Variants in PALLD observed in about 807,000 individuals in gnomAD.
PALLD encodes palladin, cytoskeletal associated protein, also known as palladin.
A neutral mutation model predicts 123.5 loss-of-function variants in PALLD; 61 were observed. That is an observed-to-expected ratio of 0.49 (90% CI 0.40 to 0.61). PALLD has a LOEUF of 0.61. PALLD is among the 20% of genes least tolerant of loss of function. The pLI, the probability that PALLD is intolerant of heterozygous loss-of-function variation, is 0.00. For missense variants in PALLD, 1,273 were observed against 1,377.0 expected, an observed-to-expected ratio of 0.92 and a Z score of 1.20; for synonymous variants, 465 against 496.4, an observed-to-expected ratio of 0.94 and a Z score of 0.84.
chr4:168,511,779 G>A lies in PALLD; in HGVS notation c.275G>A (p.Arg92Lys). The A allele has an allele frequency of 3.1e-6, 5 of 1,614,152 alleles. No homozygotes were observed. In the South Asian group the frequency reaches 3.3e-5, roughly 11 times the overall value. ...ACCAAATTGGGTGAACACGCCTCGA[G>A]GAGACCTCAGGATAACAGGTCAACA... Reference protein sequence around the residue: ...KETKLGEHASRRPQDNRSTPV... With the variant: ...KETKLGEHASKRPQDNRSTPV... The change falls in exon 2 of 22, where the codon AGG becomes AAG. Residue 92 changes from arginine to lysine, a missense_variant. By Grantham distance (26) the Arg-to-Lys change is conservative (BLOSUM62 2). Around this residue, in one of 2 missense-constraint regions of PALLD, gnomAD observed 944 missense variants for 954.5 expected, o/e 0.99. Transcript: ENST00000505667.
chr4:168,629,849 G>T (rs1775647113), intron 2 of PALLD, among the ~76,000 whole-genome samples: 1 of 152,224 alleles, frequency 6.6e-6, no homozygotes, highest in African/African-American at 2.4e-5. Context: ...TTGTGTGGAA[G>T]AACAGCAGAA....
At chr4:168,849,954 C>T (rs566246705) in intron 10 of PALLD, among the ~76,000 whole-genome samples, 19 of 152,194 alleles carry the variant, frequency 1.2e-4, no homozygotes, top group Admixed American at 7.8e-4. Context: ...TGTATACTTA[C>T]GAATGCATTT....
chr4:168,597,636 C>T (rs547835721), intron 2 of PALLD, among the ~76,000 whole-genome samples: 1 of 151,956 alleles, frequency 6.6e-6, no homozygotes, highest in South Asian at 2.1e-4. Context: ...GTCATTTTTC[C>T]TCCAGCATGG....
chr4:168,690,720 C>T lies in PALLD; in HGVS notation c.1453C>T (p.Pro485Ser), dbSNP rs1471336208. The change falls in exon 7 of 22, where the codon CCA becomes TCA. Residue 485 changes from proline to serine, a missense_variant. Around this residue, in one of 2 missense-constraint regions of PALLD, gnomAD observed 944 missense variants for 954.5 expected, o/e 0.99. Coordinates refer to ENST00000505667, the MANE Select transcript of PALLD (RefSeq NM_001166108.2). ...GCAAGGGAGTGAAATCCAAGACTCT[C>T]CAGATTTCCGAATTCTACAGAAAAG... ...FRQGSEIQDS[P>S]DFRILQKKPR... The T allele has an allele frequency of 6.2e-7, 1 of 1,614,128 alleles. No homozygotes were observed. The highest frequency in any genetic ancestry group is 8.5e-7 in the Non-Finnish European group (1 of 1,180,004).
chr4:168,648,683 C>A (rs1291942702), intron 2 of PALLD: 2 of 152,192 alleles, frequency 1.3e-5, no homozygotes, highest in Non-Finnish European at 2.9e-5. Context: ...TATGCTTACA[C>A]AAACTTGGTG....
intron 10 of PALLD, among the ~76,000 whole-genome samples, chr4:168,837,286 C>T (rs149283588): frequency 0.011 from 1,667 of 152,300 alleles, 15 homozygotes; most frequent in Non-Finnish European, 0.017. Context: ...TGACTGACAT[C>T]GTTTCCTTAC....
At chr4:168,827,869 G>A (rs573810494) in intron 10 of PALLD, among the ~76,000 whole-genome samples, 80 of 152,234 alleles carry the variant, frequency 5.3e-4, no homozygotes, top group Middle Eastern at 6.8e-3. Flanking sequence ...GTGAAACCCT[G>A]TCTCTATTTA....
intron 2 of PALLD, among the ~76,000 whole-genome samples, chr4:168,547,707 T>C (rs1766290982): frequency 1.3e-5 from 2 of 151,392 alleles, no homozygotes; most frequent in Non-Finnish European, 2.9e-5. Flanking sequence ...CCCAGGACTT[T>C]GGGAGGCCGA....
intron 1 of PALLD, among the ~76,000 whole-genome samples, chr4:168,501,894 T>C (rs1204080430): frequency 1.3e-5 from 2 of 152,184 alleles, no homozygotes; most frequent in African/African-American, 2.4e-5. Flanking sequence ...CTAACAACTT[T>C]CAAAGCTAGT....
intron 2 of PALLD, among the ~76,000 whole-genome samples, chr4:168,578,330 G>A (rs1484859992): frequency 2.0e-5 from 3 of 152,068 alleles, no homozygotes; most frequent in South Asian, 2.1e-4. Context: ...CGTGTCATAG[G>A]AGGGACCCAG....
At position 168,685,538 on chromosome 4, in the gene PALLD, C is replaced by T; in HGVS notation, c.1314C>T (p.Tyr438=). Residue 438 remains tyrosine (Y), a synonymous_variant, in exon 6 of 22, where the codon TAC becomes TAT. Transcript: ENST00000505667. ...GACCTGATGGAACCACTACTGCCTA[C>T]TTTCCTCCTGTTTTTACAAAGGTCT... The part of the protein sequence containing the change: ...LCRPDGTTTA[Y]FPPVFTKELQ... 1.2e-6 allele frequency: 2 copies of T among 1,611,996 alleles called. No homozygotes were observed. Among genetic ancestry groups the T allele is most frequent in the South Asian group, 1.1e-5 (1 of 91,046 alleles).
intron 10 of PALLD, among the ~76,000 whole-genome samples, chr4:168,871,403 C>T (rs1467987133): frequency 1.3e-5 from 2 of 151,834 alleles, no homozygotes; most frequent in Non-Finnish European, 2.9e-5. Context: ...AGTTTCTCAA[C>T]ATCTGTCTCA....
intron 3 of PALLD, among the ~76,000 whole-genome samples, chr4:168,673,263 A>T (rs1780476636): frequency 6.6e-6 from 1 of 152,238 alleles, no homozygotes; most frequent in African/African-American, 2.4e-5. Context: ...AGTGCTGTGA[A>T]AGAAATGAAG....
chr4:168,894,500 T>C (rs1043644614), intron 11 of PALLD, 79 bp from the exon 12 acceptor site: 7 of 852,486 alleles, frequency 8.2e-6, no homozygotes, highest in Middle Eastern at 2.2e-4. Flanking sequence ...AGTGTGTTGT[T>C]TTTTACTCTT....
At chr4:168,545,696 A>G (rs949517328) in intron 2 of PALLD, among the ~76,000 whole-genome samples, 1 of 152,082 alleles carries the variant, frequency 6.6e-6, no homozygotes, top group Non-Finnish European at 1.5e-5. Context: ...TTGTGTGACT[A>G]TTGCACTGCT....
At chr4:168,877,568 C>G (rs1204640256) in intron 10 of PALLD, among the ~76,000 whole-genome samples, 1 of 152,208 alleles carries the variant, frequency 6.6e-6, no homozygotes, top group Non-Finnish European at 1.5e-5. Flanking sequence ...GAACTGCTGG[C>G]CCCACACTTG....
chr4:168,626,400 C>CA (rs374572213), intron 2 of PALLD, among the ~76,000 whole-genome samples: 1,102 of 98,768 alleles, frequency 0.011, 24 homozygotes, highest in African/African-American at 0.035. Flanking sequence ...GACTCCATCT[C>CA]AAAAAAAAAA....
At chr4:168,814,922 C>T (rs1184716399) in intron 10 of PALLD, among the ~76,000 whole-genome samples, 1 of 152,126 alleles carries the variant, frequency 6.6e-6, no homozygotes, top group Non-Finnish European at 1.5e-5. Context: ...AGTTGTGTAC[C>T]ACCATGCCTT....
chr4:168,841,127 G>A (rs181976791), intron 10 of PALLD, among the ~76,000 whole-genome samples: 99 of 152,280 alleles, frequency 6.5e-4, no homozygotes, highest in African/African-American at 2.2e-3. Context: ...GAGATTACAG[G>A]TGTGAGCCTC....
Sources: allele counts gnomAD v4.1 joint callset (sites outside exome capture counted in the v4.1 genomes callset), GRCh38; gene constraint gnomAD v4.1.1; regional missense constraint gnomAD v4.1.1; transcripts MANE v1.5; gene names NCBI Gene and HGNC (gene_info 2026-07-23, HGNC 2026-07-21).